TTC24: variants seen among roughly 807,000 people sequenced by gnomAD.
TTC24 encodes the protein tetratricopeptide repeat protein 24.
In TTC24, 54 loss-of-function variants were observed where a neutral mutation model predicts 63.3. The observed-to-expected ratio is 0.85, with a 90% confidence interval of 0.69 to 1.07. The LOEUF (loss-of-function observed/expected upper bound fraction) is 1.07, where lower values mean the gene tolerates loss of function less well. TTC24 is among the 50% of genes least tolerant of loss of function. The probability of loss-of-function intolerance (pLI) is 0.00; values close to 1 mark genes in which losing one functional copy is unlikely to be tolerated. For missense variants in TTC24, 680 were observed against 730.5 expected (o/e 0.93, Z 0.80); for synonymous variants, 276 against 304.3 (o/e 0.91, Z 0.97).
Position 156,581,989 on chromosome 1 carries a change from C to A in TTC24, c.625C>A (p.Arg209=), listed in dbSNP as rs562198796. Residue 209 remains arginine, a synonymous_variant, in exon 2 of 11, where the codon CGG becomes AGG. Transcript: ENST00000368236. ...AAAGCMLKSG[R]HRVGEVVQVL... ...GGCAGGATGTATGCTGAAGAGTGGG[C>A]GGCATCGGGTGGGGGAAGTTGTGCA... The A allele has an allele frequency of 6.6e-7, 1 of 1,510,138 alleles. No individual in the cohort carries two copies. Among genetic ancestry groups the A allele is most frequent in the Admixed American group, 2.5e-5 (1 of 40,480 alleles). The allele number at this position is 1,510,138 out of a possible 1,614,324, so 93.5% of individuals were successfully genotyped here. A position where few individuals can be genotyped will look rare whatever the true frequency, so the allele number is the denominator to read the frequency against.
chr1:156,582,609 A>G (rs902463876), intron 3 of TTC24, among the ~76,000 whole-genome samples, 175 bp downstream of exon 3: 2 of 152,030 alleles, frequency 1.3e-5, no homozygotes, highest in African/African-American at 2.4e-5. Context: ...GACAGGACAG[A>G]GGGTTGTGGG....
At position 156,583,296 on chromosome 1, in the gene TTC24, TA is replaced by T. The variant is rs1677058099; in HGVS notation, c.1040-41del. 6.2e-7 allele frequency: 1 copy of T among 1,601,144 alleles called. No homozygotes were observed. Among genetic ancestry groups the T allele is most frequent in the Non-Finnish European group, 8.5e-7 (1 of 1,174,330 alleles). ...CCTCTGAGGGGGTGGATCAGTGGGG[TA>T]GGAAGTCATGAAAGGACCTTCCAGG... On this transcript the variant is annotated intron_variant, in intron 4 of 10. Transcript: ENST00000368236. The surrounding 1 kb of genome is among the most constrained non-coding windows in gnomAD (Gnocchi z 4.0).
In TTC24 at chr1:156,584,834, C is replaced by A. The variant is rs375207050; in HGVS notation, c.1252-43C>A. 233 of 1,397,576 alleles carry A rather than the reference C, an allele frequency of 1.7e-4. 1 individual carries two copies. In the African/African-American group the frequency reaches 3.1e-3, roughly 19 times the overall value. The allele number at this position is 1,397,576 out of a possible 1,614,324, so 86.6% of individuals were successfully genotyped here. ...GGAGCACACACGTAGCTGGGATGGCCGTTTTTCTCAGACCTATTCCCTTTA... is the reference window on the plus strand; with the variant it reads ...GGAGCACACACGTAGCTGGGATGGCAGTTTTTCTCAGACCTATTCCCTTTA... On this transcript the variant is annotated intron_variant, in intron 6 of 10. Coordinates refer to ENST00000368236, the MANE Select transcript of TTC24 (RefSeq NM_001105669.4).
At position 156,585,128 on chromosome 1, in the gene TTC24, T is replaced by G. The variant is rs978582083; in HGVS notation, c.1353T>G (p.Ser451=). The G allele has an allele frequency of 3.7e-6, 6 of 1,610,728 alleles. No homozygotes were observed. The highest frequency in any genetic ancestry group is 1.1e-5 in the South Asian group (1 of 90,576). ...CCCTGGTTCCTTGCCCCTACAGATC[T>G]TCCAGTGGGTGGGAAGATGAAGAGT... is the stretch of plus-strand genomic sequence containing the variant. The part of the protein sequence containing the change: ...GSSTAGVQHR[S]SSGWEDEEFE... The change falls in exon 8 of 11, where the codon TCT becomes TCG. Residue 451 remains serine (S), a synonymous_variant. Coordinates refer to ENST00000368236, the MANE Select transcript of TTC24 (RefSeq NM_001105669.4).
intron 8 of TTC24, 130 bp downstream of exon 8, chr1:156,585,361 G>A: frequency 1.3e-6 from 1 of 776,356 alleles, no homozygotes; most frequent in Non-Finnish European, 2.0e-6. Context: ...ATTTCTTTGA[G>A]GCCTGGCACA....
chr1:156,581,362 C>G lies in TTC24; in HGVS notation c.-3C>G, dbSNP rs1279521791. 3.4e-6 allele frequency: 5 copies of G among 1,486,054 alleles called. No homozygotes were observed. The highest frequency in any genetic ancestry group is 4.5e-6 in the Non-Finnish European group (5 of 1,116,232). The allele number at this position is 1,486,054 out of a possible 1,614,324, so 92.1% of individuals were successfully genotyped here. On this transcript the variant is annotated splice_region_variant and 5_prime_UTR_variant, in exon 2 of 11. Transcript: ENST00000368236. ...GAGCCCTCTGTTCCCCTTTGTCAGCCCTATGTCTTCCCCCAACCCTGAGGA... is the reference window on the plus strand; with the variant it reads ...GAGCCCTCTGTTCCCCTTTGTCAGCGCTATGTCTTCCCCCAACCCTGAGGA...
chr1:156,580,256 C>G (rs1246983806), intron 1 of TTC24, among the ~76,000 whole-genome samples: 1 of 152,154 alleles, frequency 6.6e-6, no homozygotes, highest in Non-Finnish European at 1.5e-5. Context: ...TGGAGGTTCG[C>G]TCCTTGCCAA....
rs200800231 is a variant in TTC24 at position 156,587,132 on chromosome 1, G to A, written c.*582G>A. Among the ~76,000 whole-genome samples the A allele has an allele frequency of 8.1e-6, 1 of 123,260 alleles. No homozygotes were observed. 80.9% of individuals were successfully genotyped at this position (123,260 alleles called of 152,430 possible). ...CACCCTATTCTAGGTGCTTAGCTCA[G>A]GCCCCACCCTATTCTAGGTGCTTAG... On this transcript the variant is annotated 3_prime_UTR_variant, in exon 11 of 11. Transcript: ENST00000368236.
chr1:156,583,673 G>A lies in TTC24; in HGVS notation c.1153-124G>A. 1 of 999,662 alleles carries A rather than the reference G, an allele frequency of 1.0e-6. No individual in the cohort carries two copies. The highest frequency in any genetic ancestry group is 1.5e-6 in the Non-Finnish European group (1 of 658,614). The allele number at this position is 999,662 out of a possible 1,614,324, so 61.9% of individuals were successfully genotyped here. ...GACCCTGGGAAAGGCATGGGGATGG[G>A]GTAGAAGAGAGGGGAAACAAAGCCC... On this transcript the variant is annotated intron_variant, in intron 5 of 10. Transcript: ENST00000368236. The surrounding 1 kb of genome is among the most constrained non-coding windows in gnomAD (Gnocchi z 4.0).
rs764108909 is a variant in TTC24 at position 156,581,549 on chromosome 1, C to T, written c.185C>T (p.Ala62Val). The T allele has an allele frequency of 2.2e-4, 340 of 1,551,176 alleles. No individual in the cohort carries two copies. The highest frequency in any genetic ancestry group is 2.8e-4 in the Non-Finnish European group (322 of 1,146,706). The part of the protein sequence containing the change: ...NHEALNNFQR[A>V]FLLASKAPQT... ...GAAGCCTTGAACAACTTCCAGAGGGCCTTCCTTCTGGCCTCCAAGGCCCCA... is the reference window on the plus strand; with the variant it reads ...GAAGCCTTGAACAACTTCCAGAGGGTCTTCCTTCTGGCCTCCAAGGCCCCA... The change falls in exon 2 of 11, where the codon GCC (alanine) becomes GTC (valine). Residue 62 changes from alanine (A) to valine (V), a missense_variant. Transcript: ENST00000368236.
chr1:156,581,181 G>C (rs894020605), intron 1 of TTC24, among the ~76,000 whole-genome samples, 180 bp from the exon 2 acceptor site: 5 of 152,240 alleles, frequency 3.3e-5, no homozygotes, highest in African/African-American at 1.2e-4. Flanking sequence ...CAGGAAGTTA[G>C]AGTGAGAGTG....
chr1:156,580,146 C>A (rs1054048033), intron 1 of TTC24, among the ~76,000 whole-genome samples: 3 of 152,116 alleles, frequency 2.0e-5, no homozygotes, highest in East Asian at 3.9e-4. Context: ...AGACAGAAAG[C>A]GGAAGAAATG....
rs1677130002 is a variant in TTC24 at position 156,585,398 on chromosome 1, G to T, written c.1456+167G>T. On this transcript the variant is annotated intron_variant, in intron 8 of 10. Coordinates refer to ENST00000368236, the MANE Select transcript of TTC24 (RefSeq NM_001105669.4). ...CCTCGCGCCACCCCTGACCCTGGCTGTCCCAGTTCGCAAGTCCCCAACAGC... is the reference window on the plus strand; with the variant it reads ...CCTCGCGCCACCCCTGACCCTGGCTTTCCCAGTTCGCAAGTCCCCAACAGC... 6 of 622,538 alleles carry T rather than the reference G, an allele frequency of 9.6e-6. No individual in the cohort carries two copies. In the Admixed American group the frequency reaches 1.5e-4, roughly 16 times the overall value. 38.6% of individuals were successfully genotyped at this position (622,538 alleles called of 1,614,324 possible).
intron 1 of TTC24, 139 bp downstream of exon 1, chr1:156,579,897 C>T (rs1676947694): frequency 6.6e-6 from 1 of 152,158 alleles, no homozygotes. Flanking sequence ...ACTGCTTTTC[C>T]TCTGCCTGCC....
At position 156,581,732 on chromosome 1, in the gene TTC24, T is replaced by G; in HGVS notation, c.368T>G (p.Val123Gly). ...GRRHGDQCFNVALAYHALGEL... is the reference protein window; with the variant it reads ...GRRHGDQCFNGALAYHALGEL... ...CGACACGGCGACCAATGTTTCAATG[T>G]GGCTTTGGCCTACCATGCCCTCGGC... Residue 123 changes from valine to glycine, a missense_variant, in exon 2 of 11, where the codon GTG (valine) becomes GGG (glycine). Physicochemically the swap from Val to Gly is moderately radical, Grantham distance 109. Coordinates refer to ENST00000368236, the MANE Select transcript of TTC24 (RefSeq NM_001105669.4). 1 of 1,551,768 alleles carries G rather than the reference T, an allele frequency of 6.4e-7. No homozygotes were observed. Among genetic ancestry groups the G allele is most frequent in the Non-Finnish European group, 8.7e-7 (1 of 1,147,010 alleles).
At chr1:156,580,825 T>C (rs1308171193) in intron 1 of TTC24, among the ~76,000 whole-genome samples, 3 of 152,162 alleles carry the variant, frequency 2.0e-5, no homozygotes, top group Non-Finnish European at 4.4e-5. Context: ...ATACATAACA[T>C]ACAATTTACC....
Position 156,586,554 on chromosome 1 carries a change from C to A in TTC24, c.*4C>A, listed in dbSNP as rs763282056. ...GGGCATCTGCACTATTGTGTGACCT[C>A]CCCCTGCCAGCCTCAGCCCTCATCC... On this transcript the variant is annotated 3_prime_UTR_variant, in exon 11 of 11. Transcript: ENST00000368236. 3.1e-6 allele frequency: 5 copies of A among 1,612,060 alleles called. No individual in the cohort carries two copies. The highest frequency in any genetic ancestry group is 4.2e-6 in the Non-Finnish European group (5 of 1,178,876).
chr1:156,585,842 C>A lies in TTC24; in HGVS notation c.1570+16C>A. On this transcript the variant is annotated intron_variant, in intron 9 of 10. Coordinates refer to ENST00000368236, the MANE Select transcript of TTC24 (RefSeq NM_001105669.4). Reference sequence around the variant, plus strand: ...TCCATCTATAGTGAGCAGTGCATCCCCTGACACCGCCCCAACTCGTGGTTC... The same window carrying A: ...TCCATCTATAGTGAGCAGTGCATCCACTGACACCGCCCCAACTCGTGGTTC... 1 of 1,599,608 alleles carries A rather than the reference C, an allele frequency of 6.3e-7. No homozygotes were observed. The highest frequency in any genetic ancestry group is 1.1e-5 in the South Asian group (1 of 90,762).
At chr1:156,585,327 C>A (rs1479089479) in intron 8 of TTC24, 96 bp downstream of exon 8, 3 of 992,288 alleles carry the variant, frequency 3.0e-6, no homozygotes, top group African/African-American at 1.6e-5. Context: ...TATGCCCATC[C>A]CACCATCCCG....
Sources: allele counts gnomAD v4.1 joint callset (sites outside exome capture counted in the v4.1 genomes callset), GRCh38; gene constraint gnomAD v4.1.1; non-coding constraint Gnocchi (gnomAD v3.1); transcripts MANE v1.5; gene names NCBI Gene and HGNC (gene_info 2026-07-23, HGNC 2026-07-21).